DPP10: variants seen among roughly 807,000 people sequenced by gnomAD.
The protein encoded by DPP10 is inactive dipeptidyl peptidase 10.
Under a neutral mutation model 120.9 loss-of-function variants are expected in DPP10, and 33 were observed. That is an observed-to-expected ratio of 0.27 (90% confidence interval 0.21 to 0.37). The LOEUF is 0.37. Ranked by LOEUF, DPP10 falls within the 10% of genes least tolerant of loss-of-function variation. The probability of loss-of-function intolerance (pLI) is 1.00; values close to 1 mark genes in which losing one functional copy is unlikely to be tolerated. For synonymous variants in DPP10, 337 were observed against 326.1 expected (o/e 1.03, Z -0.36); for missense variants, 816 against 942.8 (o/e 0.87, Z 1.76).
rs554690505 is a variant in DPP10 at position 115,060,237 on chromosome 2, A to G, written c.61-249002A>G. On this transcript the variant is annotated intron_variant, in intron 1 of 25. Coordinates refer to ENST00000410059, the MANE Select transcript of DPP10 (RefSeq NM_020868.6). ...TATACACTATATATATAGTATATAT[A>G]AAGAAATACATATATAATATATGCA... 3.3e-5 allele frequency among the ~76,000 whole-genome samples: 5 copies of G among 149,414 alleles called. No homozygotes were observed. In the East Asian group the frequency reaches 7.8e-4, roughly 23 times the overall value.
chr2:114,730,777 A>G (rs1447805902), intron 1 of DPP10, among the ~76,000 whole-genome samples: 1 of 152,026 alleles, frequency 6.6e-6, no homozygotes, highest in African/African-American at 2.4e-5. Flanking sequence ...TATTTTTAAT[A>G]GAGACAGGGT....
intron 5 of DPP10, among the ~76,000 whole-genome samples, chr2:115,564,121 G>A (rs2080850543): frequency 6.6e-6 from 1 of 151,798 alleles, no homozygotes; most frequent in South Asian, 2.1e-4. Flanking sequence ...GTTAAAATAT[G>A]CCAGCCCTCG....
At chr2:115,179,263 A>G (rs910876702) in intron 1 of DPP10, among the ~76,000 whole-genome samples, 1 of 152,276 alleles carries the variant, frequency 6.6e-6, no homozygotes, top group Non-Finnish European at 1.5e-5. Context: ...AATTCCCTCT[A>G]TTTTCTTTTA....
At chr2:115,377,024 G>A (rs1220105053) in intron 3 of DPP10, among the ~76,000 whole-genome samples, 3 of 150,910 alleles carry the variant, frequency 2.0e-5, no homozygotes, top group African/African-American at 4.9e-5. Flanking sequence ...ATGTGCATGT[G>A]TCTTTATAGC....
At chr2:115,505,743 G>T (rs1282212673) in intron 4 of DPP10, among the ~76,000 whole-genome samples, 1 of 152,138 alleles carries the variant, frequency 6.6e-6, no homozygotes, top group East Asian at 1.9e-4. Flanking sequence ...GTGTCAGACA[G>T]AAGGAATAAT....
intron 1 of DPP10, among the ~76,000 whole-genome samples, chr2:114,906,398 G>T (rs1464691666): frequency 1.4e-5 from 2 of 147,442 alleles, no homozygotes; most frequent in African/African-American, 5.0e-5. Flanking sequence ...AAAAAAAAAA[G>T]AAAAATTAGT....
chr2:115,713,375 A>T (rs2149581300), intron 7 of DPP10, among the ~76,000 whole-genome samples: 1 of 152,266 alleles, frequency 6.6e-6, no homozygotes, highest in South Asian at 2.1e-4. Flanking sequence ...GGAATGCTGA[A>T]TGGATAAAAA....
intron 1 of DPP10, among the ~76,000 whole-genome samples, chr2:114,481,018 CAGTT>C (rs900698257): frequency 6.7e-6 from 1 of 149,884 alleles, no homozygotes; most frequent in Admixed American, 6.6e-5. Flanking sequence ...ACATATAAAG[CAGTT>C]AGGGGAAAAA....
chr2:115,023,192 A>AC (rs545439619), intron 1 of DPP10, among the ~76,000 whole-genome samples: 63 of 152,252 alleles, frequency 4.1e-4, no homozygotes, highest in African/African-American at 1.3e-3. Context: ...CAAAAGAAAT[A>AC]ATCAGCAAAG....
Position 115,308,768 on chromosome 2 carries a change from G to A in DPP10, c.61-471G>A, listed in dbSNP as rs565936034. 3.8e-4 allele frequency among the ~76,000 whole-genome samples: 57 copies of A among 149,870 alleles called. 2 individuals carry two copies. In the South Asian group the frequency reaches 0.012, roughly 31 times the overall value. On this transcript the variant is annotated intron_variant, in intron 1 of 25. Coordinates refer to ENST00000410059, the MANE Select transcript of DPP10 (RefSeq NM_020868.6). ...AGACCTGTTTGGTTAACAAATGTGC[G>A]CTGCTCTGCAGTGAGGGACATTTTG...
At chr2:115,015,133 C>T (rs1347800961) in intron 1 of DPP10, among the ~76,000 whole-genome samples, 1 of 152,148 alleles carries the variant, frequency 6.6e-6, no homozygotes, top group Non-Finnish European at 1.5e-5. Context: ...TCCAGCAGCA[C>T]ATCAAAAATC....
chr2:114,637,549 A>G (rs2105408661), intron 1 of DPP10, among the ~76,000 whole-genome samples: 1 of 152,050 alleles, frequency 6.6e-6, no homozygotes, highest in East Asian at 1.9e-4. Flanking sequence ...TTAGCCAAAA[A>G]TTCTTTGCCA....
chr2:114,559,716 T>C (rs1688603957), intron 1 of DPP10, among the ~76,000 whole-genome samples: 1 of 151,476 alleles, frequency 6.6e-6, no homozygotes. Flanking sequence ...GTGTGGATCA[T>C]GAGTAGGTAG....
At chr2:115,151,083 AAC>A (rs2051518523) in intron 1 of DPP10, among the ~76,000 whole-genome samples, 2 of 152,190 alleles carry the variant, frequency 1.3e-5, no homozygotes, top group African/African-American at 4.8e-5. Context: ...GCATGTTGGT[AAC>A]AGTCTTTCTA....
At chr2:115,746,268 AT>A in intron 10 of DPP10, 85 bp downstream of exon 10, 1 of 1,172,746 alleles carries the variant, frequency 8.5e-7, no homozygotes, top group Non-Finnish European at 1.2e-6. Context: ...GAGAGATGTG[AT>A]CAGCTCAACA....
chr2:115,305,391 A>G (rs571175612), intron 1 of DPP10, among the ~76,000 whole-genome samples: 1 of 152,132 alleles, frequency 6.6e-6, no homozygotes, highest in Non-Finnish European at 1.5e-5. Context: ...ATTACTTTCT[A>G]AGCACCTATT....
At chr2:115,467,048 ACT>A (rs1039505076) in intron 3 of DPP10, among the ~76,000 whole-genome samples, 7 of 152,032 alleles carry the variant, frequency 4.6e-5, no homozygotes, top group African/African-American at 1.7e-4. Flanking sequence ...AGAATGTAGC[ACT>A]CTCTTTTACC....
At chr2:115,348,255 G>A (rs1292109651) in intron 3 of DPP10, among the ~76,000 whole-genome samples, 1 of 151,994 alleles carries the variant, frequency 6.6e-6, no homozygotes, top group African/African-American at 2.4e-5. Context: ...ATTTCCCCAG[G>A]TACATTCATG....
intron 1 of DPP10, among the ~76,000 whole-genome samples, chr2:114,551,436 G>T (rs549861951): frequency 6.6e-6 from 1 of 152,176 alleles, no homozygotes; most frequent in Non-Finnish European, 1.5e-5. Flanking sequence ...AGAATGACAC[G>T]TGTTCTCCAA....
Sources: gnomAD v4.1 joint callset for allele counts (sites outside exome capture counted in the v4.1 genomes callset) on GRCh38, gnomAD v4.1.1 for gene constraint, MANE v1.5 for transcripts, NCBI Gene and HGNC (gene_info 2026-07-23, HGNC 2026-07-21) for gene names.